The following CALB1 variants were observed in gnomAD, a reference collection of about 807,000 sequenced individuals.
CALB1 encodes the protein calbindin.
CALB1 carries 16 observed loss-of-function variants against 46.7 expected under a neutral mutation model. That is an observed-to-expected ratio of 0.34 (90% CI 0.23 to 0.52). CALB1 has a LOEUF of 0.52. Ranked by LOEUF, CALB1 falls within the 20% of genes least tolerant of loss-of-function variation. CALB1 has a pLI of 0.95. For missense variants in CALB1, 224 were observed against 300.3 expected, an observed-to-expected ratio of 0.75 and a Z score of 1.88; for synonymous variants, 90 against 112.8, an observed-to-expected ratio of 0.80 and a Z score of 1.28.
At chr8:90,062,599 T>C (rs974521424) in intron 9 of CALB1, 1 of 152,028 alleles carries the variant, frequency 6.6e-6, no homozygotes, top group African/African-American at 2.4e-5. Context: ...TTAACATCAC[T>C]AATCAGAGAA....
At chr8:90,064,227 A>G (rs1814349780) in intron 6 of CALB1, 1 of 151,822 alleles carries the variant, frequency 6.6e-6, no homozygotes, top group Admixed American at 6.6e-5. Context: ...ATTTAGTGAC[A>G]TCTTTTTAAG....
chr8:90,078,291 A>G (rs760257690), intron 3 of CALB1, 82 bp downstream of exon 3: 222 of 813,634 alleles, frequency 2.7e-4, no homozygotes, highest in Non-Finnish European at 4.1e-4. Context: ...GGGTCTTGCT[A>G]TATCTTACTT....
intron 9 of CALB1, chr8:90,061,933 T>TCA (rs1814306619): frequency 6.6e-6 from 1 of 152,148 alleles, no homozygotes; most frequent in Middle Eastern, 3.4e-3. Context: ...CCTGGAGACA[T>TCA]CACACTTCTT....
At chr8:90,071,500 T>C (rs900710583) in intron 3 of CALB1, among the ~76,000 whole-genome samples, 19 of 152,098 alleles carry the variant, frequency 1.2e-4, no homozygotes, top group Admixed American at 1.1e-3. Flanking sequence ...TCCAGTCTTG[T>C]TGAGCCTGGC....
intron 3 of CALB1, among the ~76,000 whole-genome samples, chr8:90,069,566 C>G (rs1814463117): frequency 6.6e-6 from 1 of 152,132 alleles, no homozygotes; most frequent in South Asian, 2.1e-4. Context: ...TTCAAGTGTT[C>G]TATGCCACAG....
At chr8:90,066,311 C>T (rs1814395552) in intron 5 of CALB1, among the ~76,000 whole-genome samples, 3 of 152,122 alleles carry the variant, frequency 2.0e-5, no homozygotes, top group Middle Eastern at 3.4e-3. Flanking sequence ...TTTCTTCTTA[C>T]TGATATCTTC....
intron 2 of CALB1, among the ~76,000 whole-genome samples, chr8:90,079,370 A>C (rs1814683211): frequency 6.6e-6 from 1 of 152,042 alleles, no homozygotes; most frequent in South Asian, 2.1e-4. Flanking sequence ...GAACTAAGAT[A>C]ATAAATAATA....
intron 2 of CALB1, 124 bp downstream of exon 2, chr8:90,081,902 G>A (rs878858000): frequency 1.1e-5 from 7 of 628,458 alleles, no homozygotes; most frequent in Non-Finnish European, 1.8e-5. Context: ...CTTGCCTTTC[G>A]CAGTCAATAA....
rs750036290 is a variant in CALB1 at position 90,063,429 on chromosome 8, C to T, written c.483G>A (p.Lys161=). 4 of 1,611,092 alleles carry T rather than the reference C, an allele frequency of 2.5e-6. No individual in the cohort carries two copies. Among genetic ancestry groups the T allele is most frequent in the South Asian group, 1.1e-5 (1 of 90,910 alleles). The change falls in exon 7 of 11, where the codon AAG becomes AAA. Residue 161 remains lysine, a synonymous_variant. Transcript: ENST00000265431. ...LKLFDSNNDG[K]LELTEMARLL... Reference sequence around the variant, plus strand: ...ACCTGGCCATCTCAGTTAATTCCAGCTTCCCATCATTATTTGAATCAAATA... The same window carrying T: ...ACCTGGCCATCTCAGTTAATTCCAGTTTCCCATCATTATTTGAATCAAATA...
chr8:90,074,403 T>C (rs767942459), intron 3 of CALB1, among the ~76,000 whole-genome samples: 1 of 152,172 alleles, frequency 6.6e-6, no homozygotes, highest in Non-Finnish European at 1.5e-5. Context: ...TGCTCTCACA[T>C]AGATTGCAGT....
intron 3 of CALB1, among the ~76,000 whole-genome samples, chr8:90,077,954 A>C (rs1053286043): frequency 6.6e-6 from 1 of 152,038 alleles, no homozygotes; most frequent in Non-Finnish European, 1.5e-5. Context: ...TATATTTTAA[A>C]AGTCAAGTCT....
rs1292761995 is a variant in CALB1 at position 90,082,863 on chromosome 8, T to A, written c.-166A>T. 1 of 650,768 alleles carries A rather than the reference T, an allele frequency of 1.5e-6. No individual in the cohort carries two copies. The highest frequency in any genetic ancestry group is 2.8e-6 in the Non-Finnish European group (1 of 355,742). The allele number at this position is 650,768 out of a possible 1,614,324, so 40.3% of individuals were successfully genotyped here. A position where few individuals can be genotyped will look rare whatever the true frequency, so the allele number is the denominator to read the frequency against. On this transcript the variant is annotated 5_prime_UTR_variant, in exon 1 of 11. Coordinates refer to ENST00000265431, the MANE Select transcript of CALB1 (RefSeq NM_004929.4). ...TCGGTGCTGCTCAGCTCAGCGTTCCTCCAGAGTTCTCTCCCTACACCCCGC... is the reference window on the plus strand; with the variant it reads ...TCGGTGCTGCTCAGCTCAGCGTTCCACCAGAGTTCTCTCCCTACACCCCGC...
chr8:90,070,857 T>TGTGA (rs1554578978), intron 3 of CALB1, among the ~76,000 whole-genome samples: 1 of 117,928 alleles, frequency 8.5e-6, no homozygotes, highest in African/African-American at 3.1e-5. Flanking sequence ...TGTGTGTGTG[T>TGTGA]GTGTGTGTGT....
chr8:90,063,673 A>T (rs987410071), intron 6 of CALB1: 2 of 500,104 alleles, frequency 4.0e-6, no homozygotes, highest in Non-Finnish European at 7.1e-6. Context: ...AGAATAGTCA[A>T]ACAGAGAAAT....
At chr8:90,062,519 G>T (rs974150408) in intron 9 of CALB1, 5 of 151,900 alleles carry the variant, frequency 3.3e-5, no homozygotes, top group African/African-American at 7.2e-5. Context: ...TTTAAAAAAT[G>T]GGTTAATGAC....
chr8:90,063,776 A>C (rs1411533144), intron 6 of CALB1: 2 of 240,640 alleles, frequency 8.3e-6, no homozygotes, highest in African/African-American at 4.5e-5. Context: ...GGTGTCTGAC[A>C]GTTTTTGCAC....
intron 4 of CALB1, 39 bp downstream of exon 4, chr8:90,069,115 A>G (rs769810729): frequency 1.2e-6 from 2 of 1,609,000 alleles, no homozygotes; most frequent in Admixed American, 1.7e-5. Context: ...CAATTTTCCT[A>G]CTTTAAGCAG....
chr8:90,070,861 T>TGTGTGTGTGA (rs1554578991), intron 3 of CALB1, among the ~76,000 whole-genome samples: 3 of 149,844 alleles, frequency 2.0e-5, no homozygotes, highest in Non-Finnish European at 3.0e-5. Context: ...TGTGTGTGTG[T>TGTGTGTGTGA]GTGTGTGTGT....
Position 90,063,093 on chromosome 8 carries a change from C to G in CALB1, c.600+7G>C, listed in dbSNP as rs112873888. 3.1e-6 allele frequency: 5 copies of G among 1,598,012 alleles called. No individual in the cohort carries two copies. Among genetic ancestry groups the G allele is most frequent in the Non-Finnish European group, 2.6e-6 (3 of 1,170,064 alleles). On this transcript the variant is annotated splice_region_variant and intron_variant, in intron 9 of 10. Coordinates refer to ENST00000265431, the MANE Select transcript of CALB1 (RefSeq NM_004929.4). ...AAAAAAGAAAGGAAAAAGTAACAAA[C>G]TTTTACCTGATCATACAGCTCAAAA... is the stretch of plus-strand genomic sequence containing the variant.
Sources: gnomAD v4.1 joint callset for allele counts (sites outside exome capture counted in the v4.1 genomes callset) on GRCh38, gnomAD v4.1.1 for gene constraint, MANE v1.5 for transcripts, NCBI Gene and HGNC (gene_info 2026-07-23, HGNC 2026-07-21) for gene names.